The following SESN1 variants were observed in gnomAD, a reference collection of about 807,000 sequenced individuals.
SESN1 encodes sestrin-1.
Under a neutral mutation model 59.3 loss-of-function variants are expected in SESN1, and 30 were observed. That is an observed-to-expected ratio of 0.51 (90% CI 0.38 to 0.69). The LOEUF (loss-of-function observed/expected upper bound fraction) is 0.69. Among genes scored for constraint, SESN1 ranks in the 30% least tolerant of loss-of-function variants. The pLI is 0.00. For synonymous variants in SESN1, 197 were observed against 219.9 expected, an observed-to-expected ratio of 0.90 and a Z score of 0.92; for missense variants, 566 against 673.0, an observed-to-expected ratio of 0.84 and a Z score of 1.76.
chr6:109,006,516 A>C (rs1189028809), intron 1 of SESN1, among the ~76,000 whole-genome samples: 1 of 142,198 alleles, frequency 7.0e-6, no homozygotes, highest in Non-Finnish European at 1.5e-5. Flanking sequence ...AAGCCCTGAG[A>C]TTTGAACCCA....
intron 1 of SESN1, among the ~76,000 whole-genome samples, chr6:109,063,151 C>T (rs1265419513): frequency 2.0e-5 from 3 of 152,148 alleles, no homozygotes; most frequent in Non-Finnish European, 4.4e-5. Flanking sequence ...AGAGGTCGGG[C>T]AGGCTTCTGG....
At chr6:109,007,993 G>A (rs1779769111) in intron 1 of SESN1, among the ~76,000 whole-genome samples, 1 of 152,108 alleles carries the variant, frequency 6.6e-6, no homozygotes, top group Non-Finnish European at 1.5e-5. Context: ...AAAGTGAATA[G>A]TTTTCCTATA....
intron 1 of SESN1, among the ~76,000 whole-genome samples, chr6:109,086,975 T>C (rs1224639776): frequency 6.6e-6 from 1 of 151,738 alleles, no homozygotes; most frequent in Non-Finnish European, 1.5e-5. Context: ...CCACTAAAAA[T>C]AGAAAAATTA....
intron 1 of SESN1, among the ~76,000 whole-genome samples, chr6:109,089,000 T>A (rs1183028664): frequency 6.6e-6 from 1 of 152,138 alleles, no homozygotes; most frequent in African/African-American, 2.4e-5. Context: ...CATGCTGATG[T>A]GGAATCAATA....
intron 1 of SESN1, among the ~76,000 whole-genome samples, chr6:109,016,943 A>G (rs1779935430): frequency 6.6e-6 from 1 of 152,004 alleles, no homozygotes. Flanking sequence ...AGAGGGTAAC[A>G]CTCTTAATTT....
At chr6:109,087,434 G>C (rs561251730) in intron 1 of SESN1, among the ~76,000 whole-genome samples, 79 of 152,268 alleles carry the variant, frequency 5.2e-4, no homozygotes, top group African/African-American at 1.8e-3. Context: ...AATATTCTCT[G>C]AGCCTCAAAA....
chr6:109,066,334 A>G (rs1433581853), intron 1 of SESN1, among the ~76,000 whole-genome samples: 1 of 149,754 alleles, frequency 6.7e-6, no homozygotes, highest in Non-Finnish European at 1.5e-5. Flanking sequence ...TTTTAAAGTC[A>G]CTATGATTTG....
In SESN1 at chr6:108,998,457, A is replaced by G; in HGVS notation, c.972+56T>C. ...CTAAGAAGCCAACTGAAGAAATAAT[A>G]TAACAGCAATTATTGTGATTAGTTT... On this transcript the variant is annotated intron_variant, in intron 5 of 9. Coordinates refer to ENST00000436639, the MANE Select transcript of SESN1 (RefSeq NM_014454.3). The G allele has an allele frequency of 3.1e-6, 5 of 1,595,318 alleles. No homozygotes were observed. The African/African-American group carries it at 4.0e-5, about 13-fold the overall frequency.
chr6:109,002,737 C>T (rs1779653197), intron 1 of SESN1, among the ~76,000 whole-genome samples: 1 of 152,158 alleles, frequency 6.6e-6, no homozygotes, highest in African/African-American at 2.4e-5. Context: ...AATGAAAAAG[C>T]AGTACTTCCA....
chr6:109,067,953 GAGA>G (rs1021696879), intron 1 of SESN1, among the ~76,000 whole-genome samples: 7 of 152,194 alleles, frequency 4.6e-5, no homozygotes, highest in African/African-American at 9.7e-5. Context: ...GGAGGACAGG[GAGA>G]AGAAGGTCAG....
chr6:109,071,679 A>G (rs1162367839), intron 1 of SESN1, among the ~76,000 whole-genome samples: 1 of 152,184 alleles, frequency 6.6e-6, no homozygotes, highest in Non-Finnish European at 1.5e-5. Flanking sequence ...CTGCCAGTTT[A>G]AGACCAGCAT....
intron 1 of SESN1, among the ~76,000 whole-genome samples, chr6:109,010,133 A>G (rs746688016): frequency 2.6e-5 from 4 of 152,196 alleles, no homozygotes; most frequent in Non-Finnish European, 5.9e-5. Flanking sequence ...CCTATCTCTG[A>G]ATCGTCTTTT....
chr6:108,988,657 G>T lies in SESN1; in HGVS notation c.1455C>A (p.Asn485Lys). Residue 485 changes from asparagine (N) to lysine (K), a missense_variant, in exon 9 of 10, where the codon AAC becomes AAA. Physicochemically the swap from Asn to Lys is moderately conservative, Grantham distance 94 (BLOSUM62 0). Coordinates refer to ENST00000436639, the MANE Select transcript of SESN1 (RefSeq NM_014454.3). ...CTTTAAAGCTACGATCCAATAGCTG[G>T]TTAATTTCACCATAGTCATAATCAT... Reference protein sequence around the residue: ...RYDDYDYGEINQLLDRSFKVY... With the variant: ...RYDDYDYGEIKQLLDRSFKVY... 3.1e-6 allele frequency: 5 copies of T among 1,609,594 alleles called. No individual in the cohort carries two copies. The highest frequency in any genetic ancestry group is 3.4e-6 in the Non-Finnish European group (4 of 1,177,790).
Position 108,990,826 on chromosome 6 carries a change from A to G in SESN1, c.1243T>C (p.Trp415Arg). The stretch of plus-strand genomic sequence containing the variant: ...ACCAAAGAATAACCATGATCTTCCC[A>G]GCAATAGTCCTAAATACAGGGAATA... ...VPTFRVQDYC[W>R]EDHGYSLVNR... The change falls in exon 8 of 10, where the codon TGG becomes CGG. Residue 415 changes from tryptophan (W) to arginine (R), a missense_variant. Trp to Arg is a moderately radical substitution (Grantham distance 101, BLOSUM62 -3). Transcript: ENST00000436639. 1 of 1,613,714 alleles carries G rather than the reference A, an allele frequency of 6.2e-7. No homozygotes were observed. Among genetic ancestry groups the G allele is most frequent in the Non-Finnish European group, 8.5e-7 (1 of 1,179,832 alleles).
At chr6:109,048,537 G>A (rs1780489130) in intron 1 of SESN1, among the ~76,000 whole-genome samples, 1 of 152,102 alleles carries the variant, frequency 6.6e-6, no homozygotes, top group South Asian at 2.1e-4. Flanking sequence ...CAGATAGAAG[G>A]GCCTTTACAA....
intron 7 of SESN1, among the ~76,000 whole-genome samples, chr6:108,991,960 A>G (rs1779394756): frequency 6.6e-6 from 1 of 152,166 alleles, no homozygotes; most frequent in Non-Finnish European, 1.5e-5. Context: ...CTCTACTTAC[A>G]ATACCCTTTT....
At position 109,091,509 on chromosome 6, in the gene SESN1, T is replaced by C. The variant is rs116076864; in HGVS notation, c.279+2286A>G. Among the ~76,000 whole-genome samples the C allele has an allele frequency of 5.4e-3, 826 of 152,322 alleles. 9 individuals are homozygous for C. The highest frequency in any genetic ancestry group is 0.018 in the African/African-American group (733 of 41,574). ...CTGCCCCAGCCATATTGCATTACTTTCAGCTCCTAGAACTCATCTGCTCTC... is the reference window on the plus strand; with the variant it reads ...CTGCCCCAGCCATATTGCATTACTTCCAGCTCCTAGAACTCATCTGCTCTC... On this transcript the variant is annotated intron_variant, in intron 1 of 9. Transcript: ENST00000436639.
Position 108,986,652 on chromosome 6 carries a change from T to TG in SESN1, c.*891dup, listed in dbSNP as rs1454856565. ...TTAAGGAGCTGCACAGCCTTTAAAG[T>TG]GGGGACCAGGAGGCAGGCAGAGGCA... On this transcript the variant is annotated 3_prime_UTR_variant, in exon 10 of 10. Transcript: ENST00000436639. 1.3e-5 allele frequency: 2 copies of TG among 152,480 alleles called. No individual in the cohort carries two copies. Among genetic ancestry groups the TG allele is most frequent in the African/African-American group, 4.8e-5 (2 of 41,462 alleles). The allele number at this position is 152,480 out of a possible 1,614,324, so 9.4% of individuals were successfully genotyped here. A position where few individuals can be genotyped will look rare whatever the true frequency, so the allele number is the denominator to read the frequency against.
chr6:108,984,798 C>G lies in SESN1; in HGVS notation c.*2746G>C, dbSNP rs893911316. Among the ~76,000 whole-genome samples, 2 of 152,182 alleles carry G rather than the reference C, an allele frequency of 1.3e-5. No homozygotes were observed. Among genetic ancestry groups the G allele is most frequent in the Non-Finnish European group, 1.5e-5 (1 of 68,040 alleles). On this transcript the variant is annotated 3_prime_UTR_variant, in exon 10 of 10. Coordinates refer to ENST00000436639, the MANE Select transcript of SESN1 (RefSeq NM_014454.3). ...GAATTTATGCTTCCTCTTGATCACA[C>G]CATCCTCTGCTGGGGAAGAGCTAGG...
Sources: allele counts gnomAD v4.1 joint callset (sites outside exome capture counted in the v4.1 genomes callset), GRCh38; gene constraint gnomAD v4.1.1; transcripts MANE v1.5; gene names NCBI Gene and HGNC (gene_info 2026-07-23, HGNC 2026-07-21).